BZW2: variants seen among roughly 807,000 people sequenced by gnomAD.
BZW2 encodes eIF5-mimic protein 1.
In BZW2, 23 loss-of-function variants were observed where a neutral mutation model predicts 53.2. The ratio of observed to expected loss-of-function variants is 0.43; its 90% CI spans 0.31 to 0.61. BZW2 has a LOEUF of 0.61. Among genes scored for constraint, BZW2 ranks in the 20% least tolerant of loss-of-function variants. The pLI is 0.09. For missense variants in BZW2, 409 were observed against 503.1 expected, an observed-to-expected ratio of 0.81 and a Z score of 1.79; for synonymous variants, 227 against 186.4, an observed-to-expected ratio of 1.22 and a Z score of -1.77.
chr7:16,656,556 C>T (rs1195659614), intron 1 of BZW2, among the ~76,000 whole-genome samples: 1 of 6,874 alleles, frequency 1.5e-4, no homozygotes, highest in African/African-American at 7.0e-4. Context: ...CGCGCGCGCG[C>T]ACACACACAC....
intron 10 of BZW2, among the ~76,000 whole-genome samples, chr7:16,699,440 G>A (rs1270770987): frequency 6.6e-6 from 1 of 152,090 alleles, no homozygotes; most frequent in African/African-American, 2.4e-5. Flanking sequence ...GGCCACAGCT[G>A]GCTCCATTTG....
intron 1 of BZW2, among the ~76,000 whole-genome samples, chr7:16,662,794 GAGAA>G (rs1782305949): frequency 6.6e-6 from 1 of 151,184 alleles, no homozygotes. Flanking sequence ...AGGAAGGAGA[GAGAA>G]AGAAAAAGAA....
intron 8 of BZW2, 58 bp from the exon 9 acceptor site, chr7:16,696,857 G>A: frequency 6.3e-7 from 1 of 1,582,706 alleles, no homozygotes; most frequent in Non-Finnish European, 8.7e-7. Context: ...CAGCTAGCGG[G>A]GAGATGGGAG....
At chr7:16,667,622 T>C (rs1782470810) in intron 2 of BZW2, among the ~76,000 whole-genome samples, 1 of 152,160 alleles carries the variant, frequency 6.6e-6, no homozygotes, top group South Asian at 2.1e-4. Context: ...TCAGAAGAGT[T>C]TGTAAGAGTC....
intron 5 of BZW2, 71 bp from the exon 6 acceptor site, chr7:16,685,834 T>A (rs1783098482): frequency 1.4e-6 from 2 of 1,460,938 alleles, no homozygotes; most frequent in South Asian, 1.4e-5. Flanking sequence ...CTTCAGTCCT[T>A]TGCTTCATAG....
intron 1 of BZW2, among the ~76,000 whole-genome samples, chr7:16,647,169 G>A (rs1781889715): frequency 6.6e-6 from 1 of 152,118 alleles, no homozygotes; most frequent in South Asian, 2.1e-4. Context: ...TTTCTCCAGG[G>A]TGCAGATTTA....
At chr7:16,695,293 A>C (rs1247414698) in intron 8 of BZW2, among the ~76,000 whole-genome samples, 1 of 152,188 alleles carries the variant, frequency 6.6e-6, no homozygotes, top group Admixed American at 6.5e-5. Context: ...AAGAGATTTG[A>C]CCATCCACTA....
At chr7:16,686,371 G>A (rs1293491925) in intron 6 of BZW2, 4 of 241,040 alleles carry the variant, frequency 1.7e-5, no homozygotes, top group Non-Finnish European at 1.7e-5. Context: ...ACACAAAATG[G>A]CAGCCTTTAA....
At chr7:16,652,305 C>T (rs1271344985) in intron 1 of BZW2, among the ~76,000 whole-genome samples, 2 of 152,186 alleles carry the variant, frequency 1.3e-5, no homozygotes, top group Middle Eastern at 6.8e-3. Context: ...AACTGCATCT[C>T]GAATGCATCA....
intron 2 of BZW2, among the ~76,000 whole-genome samples, chr7:16,668,558 C>G (rs750098623): frequency 6.6e-6 from 1 of 152,148 alleles, no homozygotes; most frequent in Non-Finnish European, 1.5e-5. Context: ...ATTTCTCATC[C>G]TTAACTTTTC....
chr7:16,662,635 A>G (rs1782300366), intron 1 of BZW2, among the ~76,000 whole-genome samples: 1 of 150,586 alleles, frequency 6.6e-6, no homozygotes, highest in Non-Finnish European at 1.5e-5. Flanking sequence ...AACCATTTTT[A>G]GCCTGGCACA....
intron 10 of BZW2, among the ~76,000 whole-genome samples, chr7:16,701,474 T>C (rs1783665081): frequency 1.3e-5 from 2 of 152,182 alleles, no homozygotes; most frequent in Admixed American, 1.3e-4. Context: ...TCTCAGCATA[T>C]ATTCCCAGCA....
intron 5 of BZW2, 59 bp downstream of exon 5, chr7:16,682,904 A>G: frequency 8.1e-7 from 1 of 1,241,460 alleles, no homozygotes; most frequent in Non-Finnish European, 1.1e-6. Flanking sequence ...GGTGGATAAA[A>G]ATTTTATAAG....
chr7:16,665,041 G>A (rs1020504786), intron 1 of BZW2, among the ~76,000 whole-genome samples: 9 of 152,172 alleles, frequency 5.9e-5, no homozygotes, highest in African/African-American at 1.4e-4. Context: ...GCCGGGCGCC[G>A]TGGCTCACGC....
intron 1 of BZW2, among the ~76,000 whole-genome samples, chr7:16,656,960 C>G (rs1241168986): frequency 6.6e-6 from 1 of 152,030 alleles, no homozygotes; most frequent in Non-Finnish European, 1.5e-5. Flanking sequence ...TTGAATTTGC[C>G]AACACAAGAC....
At chr7:16,673,258 C>G (rs1208732554) in intron 2 of BZW2, among the ~76,000 whole-genome samples, 2 of 152,120 alleles carry the variant, frequency 1.3e-5, no homozygotes, top group Non-Finnish European at 2.9e-5. Context: ...GTCTTATCCA[C>G]TTTCTAAGGA....
chr7:16,662,705 C>G (rs1376772960), intron 1 of BZW2, among the ~76,000 whole-genome samples: 1 of 151,866 alleles, frequency 6.6e-6, no homozygotes, highest in African/African-American at 2.4e-5. Flanking sequence ...TTGCTTGAGT[C>G]CAGGAGTTTG....
chr7:16,665,542 A>T (rs1032387533), intron 2 of BZW2, 41 bp downstream of exon 2: 2 of 1,598,764 alleles, frequency 1.3e-6, no homozygotes, highest in East Asian at 4.5e-5. Flanking sequence ...TAAAGTTGTA[A>T]CCAAAATATA....
chr7:16,651,069 T>A (rs909333647), intron 1 of BZW2, among the ~76,000 whole-genome samples: 4 of 152,178 alleles, frequency 2.6e-5, no homozygotes, highest in Non-Finnish European at 4.4e-5. Context: ...AAAGAAAGAA[T>A]AATGCCCTGT....
Sources: gnomAD v4.1 joint callset for allele counts (sites outside exome capture counted in the v4.1 genomes callset) on GRCh38, gnomAD v4.1.1 for gene constraint, MANE v1.5 for transcripts, NCBI Gene and HGNC (gene_info 2026-07-23, HGNC 2026-07-21) for gene names.